Variants in PSMC6 observed in about 807,000 individuals in gnomAD.
PSMC6 encodes the protein 26S proteasome regulatory subunit 10B.
PSMC6 carries 3 observed loss-of-function variants against 55.9 expected under a neutral mutation model. That is an observed-to-expected ratio of 0.05 (90% CI 0.02 to 0.14). The LOEUF (loss-of-function observed/expected upper bound fraction) is 0.14. Ranked by LOEUF, PSMC6 falls within the 10% of genes least tolerant of loss-of-function variation. PSMC6 has a pLI of 1.00. For synonymous variants in PSMC6, 137 were observed against 155.9 expected (o/e 0.88, Z 0.90); for missense variants, 210 against 478.7 (o/e 0.44, Z 5.24).
rs527276702 is a variant in PSMC6 at position 52,720,782 on chromosome 14, G to A, written c.778-79G>A. 46 of 1,133,876 alleles carry A rather than the reference G, an allele frequency of 4.1e-5. 1 individual carries two copies. In the South Asian group the frequency reaches 6.4e-4, roughly 16 times the overall value. The allele number at this position is 1,133,876 out of a possible 1,614,324, so 70.2% of individuals were successfully genotyped here. A position where few individuals can be genotyped will look rare whatever the true frequency, so the allele number is the denominator to read the frequency against. ...CTATCTGTAGACAATACATTTCATG[G>A]CATTAGACATATAAAAGGTGTGTGC... On this transcript the variant is annotated intron_variant, in intron 10 of 13. Transcript: ENST00000445930.
At position 52,718,409 on chromosome 14, in the gene PSMC6, CT is replaced by C. The variant is rs1024042550; in HGVS notation, c.715+62del. 6 of 1,521,040 alleles carry C rather than the reference CT, an allele frequency of 3.9e-6. No homozygotes were observed. In the African/African-American group the frequency reaches 4.2e-5, roughly 11 times the overall value. The allele number at this position is 1,521,040 out of a possible 1,614,324, so 94.2% of individuals were successfully genotyped here. A position where few individuals can be genotyped will look rare whatever the true frequency, so the allele number is the denominator to read the frequency against. On this transcript the variant is annotated intron_variant, in intron 9 of 13. Transcript: ENST00000445930. ...GACTTTTTTTTAAATGTAAAAGAACCTTTTTCCCTCTCTTAATCTGTAATTG... is the reference window on the plus strand; with the variant it reads ...GACTTTTTTTTAAATGTAAAAGAACCTTTTCCCTCTCTTAATCTGTAATTG...
At chr14:52,720,182 A>G (rs1385808905) in intron 10 of PSMC6, among the ~76,000 whole-genome samples, 1 of 140,240 alleles carries the variant, frequency 7.1e-6, no homozygotes, top group Non-Finnish European at 1.5e-5. Context: ...AGATCGCCCC[A>G]TTGCACTCCA....
At chr14:52,707,373 C>T (rs747345214) in intron 1 of PSMC6, 69 bp downstream of exon 1, 7 of 1,591,148 alleles carry the variant, frequency 4.4e-6, no homozygotes, top group Admixed American at 1.8e-5. Context: ...AAGCAGAAGC[C>T]TTTCGCCGAG....
intron 7 of PSMC6, among the ~76,000 whole-genome samples, 184 bp from the exon 8 acceptor site, chr14:52,717,897 A>G (rs1265569081): frequency 6.6e-6 from 1 of 151,996 alleles, no homozygotes; most frequent in Admixed American, 6.6e-5. Context: ...GCGTGATGGC[A>G]CATGCCTGTC....
At chr14:52,711,810 GTTT>G (rs1439636811) in intron 6 of PSMC6, among the ~76,000 whole-genome samples, 2 of 152,120 alleles carry the variant, frequency 1.3e-5, no homozygotes, top group Admixed American at 1.3e-4. Flanking sequence ...ATATCCTGTG[GTTT>G]TGATTATCAT....
intron 4 of PSMC6, chr14:52,709,590 G>C (rs547366140): frequency 4.4e-6 from 2 of 455,812 alleles, no homozygotes; most frequent in African/African-American, 4.0e-5. Flanking sequence ...TGTGGATGCC[G>C]AAAGTTGGCA....
At chr14:52,711,014 G>A in intron 4 of PSMC6, 87 bp from the exon 5 acceptor site, 1 of 267,644 alleles carries the variant, frequency 3.7e-6, no homozygotes, top group Non-Finnish European at 6.5e-6. Flanking sequence ...GTAAAAATGA[G>A]TGTTTGGCTT....
At chr14:52,717,217 A>G (rs1334854986) in intron 7 of PSMC6, among the ~76,000 whole-genome samples, 3 of 152,198 alleles carry the variant, frequency 2.0e-5, no homozygotes, top group South Asian at 4.1e-4. Flanking sequence ...CAATATATAC[A>G]TGTATCATAA....
chr14:52,716,654 G>T (rs1183241205), intron 7 of PSMC6, among the ~76,000 whole-genome samples: 4 of 152,130 alleles, frequency 2.6e-5, no homozygotes, highest in Non-Finnish European at 5.9e-5. Context: ...TCGGGAGGCA[G>T]AGGCAGGAGA....
At position 52,708,511 on chromosome 14, in the gene PSMC6, C is replaced by T. The variant is rs766447066; in HGVS notation, c.194C>T (p.Thr65Ile). The T allele has an allele frequency of 1.9e-6, 3 of 1,613,636 alleles. No homozygotes were observed. Among genetic ancestry groups the T allele is most frequent in the Non-Finnish European group, 2.5e-6 (3 of 1,179,728 alleles). Residue 65 changes from threonine to isoleucine, a missense_variant, in exon 3 of 14, where the codon ACT (threonine) becomes ATT (isoleucine). Thr to Ile is a moderately conservative substitution (Grantham distance 89). Coordinates refer to ENST00000445930, the MANE Select transcript of PSMC6 (RefSeq NM_002806.5). Reference protein sequence around the residue: ...QIVGEVLKQLTEEKFIVKATN... With the variant: ...QIVGEVLKQLIEEKFIVKATN... The stretch of plus-strand genomic sequence containing the variant: ...GTGGGTGAAGTGCTTAAACAGTTAA[C>T]TGAAGAAAAATGTGAGTGATGAATT...
In PSMC6 at chr14:52,720,367, C is replaced by CAAAAAAAAAA. The variant is rs71444775; in HGVS notation, c.778-473_778-464dup. Among the ~76,000 whole-genome samples the CAAAAAAAAAA allele has an allele frequency of 3.5e-3, 147 of 41,482 alleles. 24 individuals are homozygous for CAAAAAAAAAA. The highest frequency in any genetic ancestry group is 0.011 in the African/African-American group (129 of 11,252). The allele number at this position is 41,482 out of a possible 152,430, so 27.2% of individuals were successfully genotyped here. A position where few individuals can be genotyped will look rare whatever the true frequency, so the allele number is the denominator to read the frequency against. ...TGGGTGACAGAGTGAAACTCTGTCT[C>CAAAAAAAAAA]AAAAAAAAAAAAAAAAAAAAAAAAA... On this transcript the variant is annotated intron_variant, in intron 10 of 13. Transcript: ENST00000445930.
chr14:52,719,098 C>A, intron 10 of PSMC6, 60 bp downstream of exon 10: 1 of 1,341,484 alleles, frequency 7.5e-7, no homozygotes, highest in Non-Finnish European at 1.1e-6. Flanking sequence ...AAGAACTGAA[C>A]ATTGCATATT....
chr14:52,723,357 G>A (rs565672106), intron 12 of PSMC6: 1 of 152,674 alleles, frequency 6.5e-6, no homozygotes, highest in South Asian at 2.1e-4. Context: ...CAATCCTATA[G>A]CTCTTTGATT....
Position 52,707,590 on chromosome 14 carries a change from T to G in PSMC6, c.85+286T>G, listed in dbSNP as rs553504789. ...AGTGGGCCGAGGATGTTTCCCAGGT[T>G]AGGGTGCAAGAAGGGCAGTCTTGGT... On this transcript the variant is annotated intron_variant, in intron 1 of 13. Transcript: ENST00000445930. The G allele has an allele frequency of 2.8e-5, 10 of 355,404 alleles. No individual in the cohort carries two copies. The Admixed American group carries it at 3.5e-4, about 13-fold the overall frequency. The allele number at this position is 355,404 out of a possible 1,614,324, so 22.0% of individuals were successfully genotyped here.
intron 6 of PSMC6, among the ~76,000 whole-genome samples, chr14:52,712,235 A>ATTAAAAAT (rs985848291): frequency 1.2e-4 from 19 of 152,188 alleles, no homozygotes; most frequent in African/African-American, 4.3e-4. Flanking sequence ...TGGAACACTT[A>ATTAAAAAT]TTAAAAATAC....
rs781117466 is a variant in PSMC6 at position 52,713,919 on chromosome 14, G to A, written c.480G>A (p.Gln160=). The A allele has an allele frequency of 6.9e-6, 11 of 1,599,642 alleles. No homozygotes were observed. In the African/African-American group the frequency reaches 8.1e-5, roughly 12 times the overall value. Residue 160 remains glutamine (Q), a synonymous_variant, in exon 7 of 14, where the codon CAG becomes CAA. Coordinates refer to ENST00000445930, the MANE Select transcript of PSMC6 (RefSeq NM_002806.5). ...CTCTTACAAACCCAGAGTTATTTCA[G>A]CGTGTAGGAATAATACCTCCAAAAG... ...ELPLTNPELF[Q]RVGIIPPKGC... is the part of the protein sequence containing the mutation.
At chr14:52,718,948 C>G (rs750909405) in intron 9 of PSMC6, 29 bp from the exon 10 acceptor site, 1 of 1,527,836 alleles carries the variant, frequency 6.5e-7, no homozygotes, top group East Asian at 2.3e-5. Flanking sequence ...AAGAGTAATG[C>G]ATATAAATTT....
At chr14:52,709,577 C>T (rs1007097257) in intron 4 of PSMC6, 23 of 455,764 alleles carry the variant, frequency 5.0e-5, no homozygotes, top group Non-Finnish European at 9.7e-5. Flanking sequence ...CCTTTCAGGG[C>T]TCTGTGGATG....
chr14:52,721,070 A>G (rs762878835), intron 11 of PSMC6, 40 bp from the exon 12 acceptor site: 10 of 1,581,426 alleles, frequency 6.3e-6, no homozygotes, highest in South Asian at 3.5e-5. Context: ...GTATTTTAAA[A>G]AAGATAAAAC....
Sources: gnomAD v4.1 joint callset for allele counts (sites outside exome capture counted in the v4.1 genomes callset) on GRCh38, gnomAD v4.1.1 for gene constraint, MANE v1.5 for transcripts, NCBI Gene and HGNC (gene_info 2026-07-23, HGNC 2026-07-21) for gene names.